TGFA: variants seen among roughly 807,000 people sequenced by gnomAD.
TGFA encodes protransforming growth factor alpha.
Under a neutral mutation model 21.7 loss-of-function variants are expected in TGFA, and 12 were observed. The ratio of observed to expected loss-of-function variants is 0.55; its 90% CI spans 0.35 to 0.90. TGFA has a LOEUF of 0.90. TGFA is among the 40% of genes least tolerant of loss of function. The pLI is 0.01. For missense variants in TGFA, 178 were observed against 210.8 expected, an observed-to-expected ratio of 0.84 and a Z score of 0.96; for synonymous variants, 79 against 88.1, an observed-to-expected ratio of 0.90 and a Z score of 0.58.
intron 2 of TGFA, among the ~76,000 whole-genome samples, chr2:70,495,407 A>G (rs1671547296): frequency 6.6e-6 from 1 of 152,242 alleles, no homozygotes; most frequent in Non-Finnish European, 1.5e-5. Context: ...GGTGAACTTT[A>G]GAATCATTTA....
rs1193174280 is a variant in TGFA, at chr2:70,543,518, T to G, written c.40+10210A>C. 4.0e-5 allele frequency among the ~76,000 whole-genome samples: 5 copies of G among 125,544 alleles called. No homozygotes were observed. In the East Asian group the frequency reaches 9.6e-4, roughly 24 times the overall value. 82.4% of individuals were successfully genotyped at this position (125,544 alleles called of 152,430 possible). A position where few individuals can be genotyped will look rare whatever the true frequency, so the allele number is the denominator to read the frequency against. On this transcript the variant is annotated intron_variant, in intron 1 of 5. Transcript: ENST00000295400. Reference sequence around the variant, plus strand: ...CCTAGCCTGGGCGACAGAGCGAGACTCTGTCTCAAAAAAAAAAAAAAGAAA... The same window carrying G: ...CCTAGCCTGGGCGACAGAGCGAGACGCTGTCTCAAAAAAAAAAAAAAGAAA...
At chr2:70,514,158 G>C (rs1672190398) in intron 2 of TGFA, among the ~76,000 whole-genome samples, 1 of 152,154 alleles carries the variant, frequency 6.6e-6, no homozygotes, top group Admixed American at 6.5e-5. Context: ...TTTAAGAGAA[G>C]AGATTTCAAG....
At chr2:70,505,069 A>G (rs1292048858) in intron 2 of TGFA, among the ~76,000 whole-genome samples, 1 of 152,236 alleles carries the variant, frequency 6.6e-6, no homozygotes, top group Non-Finnish European at 1.5e-5. Flanking sequence ...GGAGTACTCT[A>G]TAAGTGTTAG....
intron 2 of TGFA, among the ~76,000 whole-genome samples, chr2:70,495,550 C>T (rs1553498234): frequency 6.6e-6 from 1 of 152,134 alleles, no homozygotes; most frequent in Non-Finnish European, 1.5e-5. Context: ...CTCTATTAGT[C>T]AAATAAATTA....
intron 1 of TGFA, among the ~76,000 whole-genome samples, chr2:70,521,718 G>T (rs4129971): frequency 7.0e-6 from 1 of 143,582 alleles, no homozygotes; most frequent in African/African-American, 2.6e-5. Context: ...GAATTCAAGC[G>T]ATTCTTCTGC....
rs570448487 is a variant in TGFA, at chr2:70,456,400, C to T, written c.304G>A (p.Ala102Thr). ...AASQKKQAIT[A>T]LVVVSIVALA... ...GCCACGATGGAGACCACCACCAAGG[C>T]GGTGATGGCCTGCTTCTTCTGGCTG... is the stretch of plus-strand genomic sequence containing the variant. Residue 102 changes from alanine to threonine, a missense_variant, in exon 4 of 6, where the codon GCC becomes ACC. Transcript: ENST00000295400. 1.3e-5 allele frequency: 20 copies of T among 1,587,004 alleles called. No homozygotes were observed. The highest frequency in any genetic ancestry group is 1.2e-4 in the South Asian group (10 of 86,500).
intron 1 of TGFA, among the ~76,000 whole-genome samples, chr2:70,535,987 TTC>T (rs1220261566): frequency 6.6e-6 from 1 of 152,222 alleles, no homozygotes; most frequent in Non-Finnish European, 1.5e-5. Context: ...AATGCTTTTT[TTC>T]TCTCTCTCCA....
chr2:70,525,752 C>T (rs1384189821), intron 1 of TGFA, among the ~76,000 whole-genome samples: 1 of 152,142 alleles, frequency 6.6e-6, no homozygotes, highest in Non-Finnish European at 1.5e-5. Flanking sequence ...GACCAGACCA[C>T]CCGCTAGCCC....
At chr2:70,531,976 G>T (rs1672823425) in intron 1 of TGFA, among the ~76,000 whole-genome samples, 1 of 152,160 alleles carries the variant, frequency 6.6e-6, no homozygotes, top group Admixed American at 6.5e-5. Flanking sequence ...TGGAGCAAGA[G>T]GTCATCCAGA....
intron 3 of TGFA, among the ~76,000 whole-genome samples, chr2:70,459,551 T>C (rs59756648): frequency 0.042 from 6,338 of 152,248 alleles, 317 homozygotes; most frequent in African/African-American, 0.11. Flanking sequence ...GGCTACTGAT[T>C]GTCCTGGAGC....
intron 3 of TGFA, among the ~76,000 whole-genome samples, chr2:70,456,922 G>T (rs1670250201): frequency 6.6e-6 from 1 of 152,226 alleles, no homozygotes; most frequent in Non-Finnish European, 1.5e-5. Flanking sequence ...ACATTGGCTT[G>T]TGGTTTGCCT....
intron 1 of TGFA, among the ~76,000 whole-genome samples, chr2:70,525,153 C>T (rs1322195921): frequency 6.6e-6 from 1 of 152,194 alleles, no homozygotes; most frequent in South Asian, 2.1e-4. Flanking sequence ...TGAACTCTGT[C>T]CCATTTCCTC....
At position 70,465,797 on chromosome 2, in the gene TGFA, C is replaced by T. The variant is rs77363103; in HGVS notation, c.95-61G>A. ...AACAGCTGACATGCAAACCCCACAC[C>T]TCCCACCCTACCAGTCAAGAAGGTG... On this transcript the variant is annotated intron_variant, in intron 2 of 5. Transcript: ENST00000295400. The T allele has an allele frequency of 2.3e-3, 3,640 of 1,598,948 alleles. 75 individuals are homozygous for T. The African/African-American group carries it at 0.042, about 19-fold the overall frequency.
intron 3 of TGFA, among the ~76,000 whole-genome samples, chr2:70,460,168 G>A (rs1469618056): frequency 2.6e-5 from 4 of 152,134 alleles, no homozygotes; most frequent in African/African-American, 7.2e-5. Flanking sequence ...TGCATGCAGA[G>A]CTTTCAAAAA....
At chr2:70,519,916 G>A (rs1297213901) in intron 1 of TGFA, among the ~76,000 whole-genome samples, 2 of 152,234 alleles carry the variant, frequency 1.3e-5, no homozygotes, top group Non-Finnish European at 2.9e-5. Flanking sequence ...AGGCCTGGGT[G>A]CAAATCCTGG....
chr2:70,529,457 C>A (rs925098574), intron 1 of TGFA, among the ~76,000 whole-genome samples: 1 of 152,104 alleles, frequency 6.6e-6, no homozygotes, highest in Non-Finnish European at 1.5e-5. Flanking sequence ...ATCACGGATG[C>A]GTGTAAATAA....
At position 70,447,518 on chromosome 2, in the gene TGFA, T is replaced by G. The variant is rs1669916872; in HGVS notation, c.*3341A>C. 6.6e-6 allele frequency: 1 copy of G among 152,574 alleles called. No individual in the cohort carries two copies. The highest frequency in any genetic ancestry group is 1.5e-5 in the Non-Finnish European group (1 of 68,038). The allele number at this position is 152,574 out of a possible 1,614,324, so 9.5% of individuals were successfully genotyped here. ...AAATATTAACCTTTTCAGTGCAACA[T>G]ATACAGACATCAGAGTAAGGAGTTC... On this transcript the variant is annotated 3_prime_UTR_variant, in exon 6 of 6. Transcript: ENST00000295400.
At chr2:70,531,187 G>C (rs141911295) in intron 1 of TGFA, among the ~76,000 whole-genome samples, 1 of 152,318 alleles carries the variant, frequency 6.6e-6, no homozygotes, top group Non-Finnish European at 1.5e-5. Context: ...AGGGCCCAAA[G>C]TTGACAGACC....
intron 1 of TGFA, among the ~76,000 whole-genome samples, chr2:70,542,315 G>A (rs1673157598): frequency 1.3e-5 from 2 of 152,074 alleles, no homozygotes; most frequent in Admixed American, 1.3e-4. Flanking sequence ...CCTCTTGGAA[G>A]TACAGTAATT....
Sources: gnomAD v4.1 joint callset for allele counts (sites outside exome capture counted in the v4.1 genomes callset) on GRCh38, gnomAD v4.1.1 for gene constraint, MANE v1.5 for transcripts, NCBI Gene and HGNC (gene_info 2026-07-23, HGNC 2026-07-21) for gene names.